RUFY1: variants seen among roughly 807,000 people sequenced by gnomAD.
RUFY1 encodes the protein RUN and FYVE domain-containing protein 1.
RUFY1 carries 54 observed loss-of-function variants against 94.6 expected under a neutral mutation model. The observed-to-expected ratio is 0.57, with a 90% confidence interval of 0.46 to 0.72. RUFY1 has a LOEUF of 0.72. RUFY1 is among the 30% of genes least tolerant of loss of function. The probability of loss-of-function intolerance (pLI) is 0.00; values close to 1 mark genes in which losing one functional copy is unlikely to be tolerated. For missense variants in RUFY1, 883 were observed against 883.9 expected, an observed-to-expected ratio of 1.00 and a Z score of 0.01; for synonymous variants, 396 against 347.3, an observed-to-expected ratio of 1.14 and a Z score of -1.56.
chr5:179,585,924 C>G (rs191643026), intron 8 of RUFY1, 59 bp downstream of exon 8: 3 of 1,365,250 alleles, frequency 2.2e-6, no homozygotes, highest in Non-Finnish European at 2.1e-6. Flanking sequence ...TTAAGAGAAT[C>G]TGTGTAGTCG....
intron 17 of RUFY1, among the ~76,000 whole-genome samples, 195 bp downstream of exon 17, chr5:179,607,854 G>T (rs1767273989): frequency 6.6e-6 from 1 of 152,248 alleles, no homozygotes; most frequent in Non-Finnish European, 1.5e-5. Context: ...CTTTCTGGGA[G>T]GCCTTGGCCA....
intron 17 of RUFY1, among the ~76,000 whole-genome samples, chr5:179,609,068 AATT>A (rs1217967427): frequency 2.0e-5 from 3 of 151,618 alleles, no homozygotes; most frequent in Non-Finnish European, 2.9e-5. Flanking sequence ...AAATACAAAA[AATT>A]AGCCAGGTAT....
intron 2 of RUFY1, among the ~76,000 whole-genome samples, chr5:179,562,282 C>T (rs1177758558): frequency 6.6e-6 from 1 of 152,040 alleles, no homozygotes; most frequent in South Asian, 2.1e-4. Context: ...GTTGTGGGCA[C>T]CTGTAACCCC....
chr5:179,570,820 A>C (rs1309214312), intron 5 of RUFY1, among the ~76,000 whole-genome samples: 2 of 152,164 alleles, frequency 1.3e-5, no homozygotes, highest in Non-Finnish European at 2.9e-5. Context: ...CATGTTGAAA[A>C]ATATCTTTTT....
In RUFY1 at chr5:179,554,288, G is replaced by A. The variant is rs540330958; in HGVS notation, c.310+3409G>A. Reference sequence around the variant, plus strand: ...GCAGTGGCTCATGCCTGTAATCCCAGCACTTTGGAAGACCGAGGTGGGTGA... The same window carrying A: ...GCAGTGGCTCATGCCTGTAATCCCAACACTTTGGAAGACCGAGGTGGGTGA... On this transcript the variant is annotated intron_variant, in intron 1 of 17. Coordinates refer to ENST00000319449, the MANE Select transcript of RUFY1 (RefSeq NM_025158.5). Among the ~76,000 whole-genome samples, 11 of 152,308 alleles carry A rather than the reference G, an allele frequency of 7.2e-5. No individual in the cohort carries two copies. In the East Asian group the frequency reaches 2.1e-3, roughly 29 times the overall value.
In RUFY1 at chr5:179,609,706, T is replaced by G. The variant is rs1767535785; in HGVS notation, c.*187T>G. The G allele has an allele frequency of 1.8e-6, 1 of 551,490 alleles. No homozygotes were observed. The highest frequency in any genetic ancestry group is 1.9e-5 in the African/African-American group (1 of 51,960). 34.2% of individuals were successfully genotyped at this position (551,490 alleles called of 1,614,324 possible). A position where few individuals can be genotyped will look rare whatever the true frequency, so the allele number is the denominator to read the frequency against. On this transcript the variant is annotated 3_prime_UTR_variant, in exon 18 of 18. Transcript: ENST00000319449. Reference sequence around the variant, plus strand: ...TCACCTTTCTGTGACTTGTTCGGAATTAACTCCTCTGGATGGAAACTTCCA... The same window carrying G: ...TCACCTTTCTGTGACTTGTTCGGAAGTAACTCCTCTGGATGGAAACTTCCA...
chr5:179,582,106 C>T (rs561657901), intron 7 of RUFY1, among the ~76,000 whole-genome samples: 2 of 152,020 alleles, frequency 1.3e-5, no homozygotes, highest in South Asian at 2.1e-4. Flanking sequence ...TTTTAGTGTC[C>T]GTTAATGTAA....
At chr5:179,608,269 CTG>C in intron 17 of RUFY1, 1 of 987,380 alleles carries the variant, frequency 1.0e-6, no homozygotes, top group Non-Finnish European at 1.2e-6. Context: ...CATGTTCTGT[CTG>C]TTCCCATCAA....
chr5:179,598,773 T>C lies in RUFY1; in HGVS notation c.1713T>C (p.Thr571=), dbSNP rs761503271. The change falls in exon 14 of 18, where the codon ACT becomes ACC. Residue 571 remains threonine (T), a synonymous_variant. Transcript: ENST00000319449. ...GCGAATTACAGCACGAGAAAGACACTTCCTCTCTACTCAGGATGGAGCTGC... is the reference window on the plus strand; with the variant it reads ...GCGAATTACAGCACGAGAAAGACACCTCCTCTCTACTCAGGATGGAGCTGC... ...LQRELQHEKD[T]SSLLRMELQQ... is the part of the protein sequence containing the mutation. The C allele has an allele frequency of 2.5e-6, 4 of 1,614,034 alleles. No individual in the cohort carries two copies. In the African/African-American group the frequency reaches 5.3e-5, roughly 22 times the overall value.
chr5:179,552,351 A>AC (rs1761908251), intron 1 of RUFY1, among the ~76,000 whole-genome samples: 1 of 152,104 alleles, frequency 6.6e-6, no homozygotes, highest in African/African-American at 2.4e-5. Flanking sequence ...GCATCATAGC[A>AC]CACACTCGAG....
rs1397057554 is a variant in RUFY1, at chr5:179,583,290, ACT to A, written c.956+2281_956+2282del. On this transcript the variant is annotated intron_variant, in intron 7 of 17. Coordinates refer to ENST00000319449, the MANE Select transcript of RUFY1 (RefSeq NM_025158.5). ...ACTCCAGCCTGGGTGACAGAGTGAG[ACT>A]CTGTCTCAAAAAAAAATTTATGAAG... Among the ~76,000 whole-genome samples, 9 of 151,496 alleles carry A rather than the reference ACT, an allele frequency of 5.9e-5. No individual in the cohort carries two copies. In the South Asian group the frequency reaches 1.5e-3, roughly 25 times the overall value.
chr5:179,586,419 C>T (rs1251069332), intron 8 of RUFY1: 2 of 456,668 alleles, frequency 4.4e-6, no homozygotes, highest in East Asian at 7.0e-5. Flanking sequence ...TTGCTGGACA[C>T]ATCTTGTCTC....
chr5:179,554,404 C>T (rs1383652207), intron 1 of RUFY1, among the ~76,000 whole-genome samples: 1 of 151,488 alleles, frequency 6.6e-6, no homozygotes, highest in South Asian at 2.1e-4. Context: ...GGCATGGTGG[C>T]GTAGGCGTGT....
At chr5:179,579,657 C>CTTTTTTTTTTTCTTTTTTTT (rs1763946884) in intron 6 of RUFY1, among the ~76,000 whole-genome samples, 2 of 50,548 alleles carry the variant, frequency 4.0e-5, no homozygotes, top group Non-Finnish European at 7.5e-5. Flanking sequence ...TTTTCTTCTT[C>CTTTTTTTTTTTCTTTTTTTT]TTTTTTTTTT....
intron 6 of RUFY1, among the ~76,000 whole-genome samples, chr5:179,577,523 G>T (rs761156539): frequency 4.0e-5 from 6 of 150,560 alleles, no homozygotes; most frequent in African/African-American, 1.2e-4. Flanking sequence ...GCGGAGGGCC[G>T]GGTCTCCGGA....
Position 179,609,568 on chromosome 5 carries a change from G to C in RUFY1, c.*49G>C, listed in dbSNP as rs780735597. On this transcript the variant is annotated 3_prime_UTR_variant, in exon 18 of 18. Coordinates refer to ENST00000319449, the MANE Select transcript of RUFY1 (RefSeq NM_025158.5). Reference sequence around the variant, plus strand: ...CTCACGGACAGTGCCAAACCCTGTGGGTCTCCAGGGGCTTGGGAAATGTGT... The same window carrying C: ...CTCACGGACAGTGCCAAACCCTGTGCGTCTCCAGGGGCTTGGGAAATGTGT... 2.7e-6 allele frequency: 4 copies of C among 1,484,042 alleles called. No individual in the cohort carries two copies. Among genetic ancestry groups the C allele is most frequent in the South Asian group, 1.3e-5 (1 of 79,934 alleles). The allele number at this position is 1,484,042 out of a possible 1,614,324, so 91.9% of individuals were successfully genotyped here.
intron 2 of RUFY1, among the ~76,000 whole-genome samples, chr5:179,560,445 C>T (rs922963986): frequency 9.9e-5 from 15 of 152,018 alleles, no homozygotes; most frequent in South Asian, 2.1e-4. Context: ...TGAGGCTGGG[C>T]GCGGTGGCTC....
intron 3 of RUFY1, among the ~76,000 whole-genome samples, chr5:179,564,150 G>C (rs866112268): frequency 7.9e-6 from 1 of 126,696 alleles, no homozygotes; most frequent in African/African-American, 3.0e-5. Context: ...ATAGAGTTTC[G>C]CTCTTGTTGC....
At chr5:179,568,938 T>C (rs1051531195) in intron 4 of RUFY1, 1 of 671,750 alleles carries the variant, frequency 1.5e-6, no homozygotes, top group Non-Finnish European at 1.8e-6. Flanking sequence ...TCCCATTTCC[T>C]GTTTATATCA....
Sources: gnomAD v4.1 joint callset for allele counts (sites outside exome capture counted in the v4.1 genomes callset) on GRCh38, gnomAD v4.1.1 for gene constraint, MANE v1.5 for transcripts, NCBI Gene and HGNC (gene_info 2026-07-23, HGNC 2026-07-21) for gene names.